Variants in CABLES1 observed in about 807,000 individuals in gnomAD.
CABLES1 encodes CDK5 and ABL1 enzyme substrate 1.
CABLES1 carries 36 observed loss-of-function variants against 57.8 expected under a neutral mutation model. The ratio of observed to expected loss-of-function variants is 0.62; its 90% CI spans 0.48 to 0.82. The LOEUF (loss-of-function observed/expected upper bound fraction) is 0.82, where lower values mean the gene tolerates loss of function less well. Among genes scored for constraint, CABLES1 ranks in the 40% least tolerant of loss-of-function variants. CABLES1 has a pLI of 0.00. For synonymous variants in CABLES1, 374 were observed against 363.0 expected (o/e 1.03, Z -0.35); for missense variants, 767 against 836.6 (o/e 0.92, Z 1.03).
intron 4 of CABLES1, among the ~76,000 whole-genome samples, chr18:23,233,886 A>G (rs1320959470): frequency 2.0e-5 from 3 of 152,162 alleles, no homozygotes; most frequent in Non-Finnish European, 4.4e-5. Flanking sequence ...CTCCTAAGAA[A>G]GGGGAGCAGC....
intron 3 of CABLES1, among the ~76,000 whole-genome samples, chr18:23,200,369 C>T: frequency 6.6e-6 from 1 of 152,074 alleles, no homozygotes; most frequent in Non-Finnish European, 1.5e-5. Flanking sequence ...ACACCATTCT[C>T]CTGCCTCAGC....
intron 7 of CABLES1, among the ~76,000 whole-genome samples, chr18:23,240,580 A>C (rs1349216359): frequency 6.6e-6 from 1 of 152,238 alleles, no homozygotes; most frequent in Non-Finnish European, 1.5e-5. Flanking sequence ...CAGAGGGCAG[A>C]TTCCCTCCTG....
intron 3 of CABLES1, among the ~76,000 whole-genome samples, chr18:23,201,615 C>T (rs1190835039): frequency 1.3e-5 from 2 of 152,162 alleles, no homozygotes; most frequent in African/African-American, 4.8e-5. Flanking sequence ...TAATGACTCT[C>T]CAGATACAAG....
At chr18:23,159,494 C>T (rs760959008) in intron 1 of CABLES1, among the ~76,000 whole-genome samples, 2 of 152,204 alleles carry the variant, frequency 1.3e-5, no homozygotes, top group Non-Finnish European at 2.9e-5. Flanking sequence ...TTCCTATAAA[C>T]AAGTGTTTTG....
At chr18:23,252,569 C>T (rs942746146) in intron 7 of CABLES1, among the ~76,000 whole-genome samples, 3 of 152,092 alleles carry the variant, frequency 2.0e-5, no homozygotes, top group African/African-American at 7.2e-5. Context: ...CTCCCAAAGC[C>T]GTCAGACTAG....
In CABLES1 at chr18:23,181,447, G is replaced by GATC. The variant is rs1278970203; in HGVS notation, c.846-7389_846-7387dup. ...GGAGGTAGAGGTTGTGGTAAGCCAA[G>GATC]ATCACACCATTGCACTCCAGCCTGG... On this transcript the variant is annotated intron_variant, in intron 1 of 9. Coordinates refer to ENST00000256925, the MANE Select transcript of CABLES1 (RefSeq NM_001100619.3). 2.6e-5 allele frequency among the ~76,000 whole-genome samples: 3 copies of GATC among 115,924 alleles called. No homozygotes were observed. The Admixed American group carries it at 3.7e-4, about 14-fold the overall frequency. 76.1% of individuals were successfully genotyped at this position (115,924 alleles called of 152,430 possible).
intron 1 of CABLES1, among the ~76,000 whole-genome samples, chr18:23,186,379 C>T (rs1193948599): frequency 7.2e-5 from 11 of 151,862 alleles, no homozygotes; most frequent in Admixed American, 6.6e-4. Flanking sequence ...CATAGATGAA[C>T]AAACTGAGGG....
At chr18:23,167,229 T>C (rs550024081) in intron 1 of CABLES1, among the ~76,000 whole-genome samples, 1 of 152,154 alleles carries the variant, frequency 6.6e-6, no homozygotes, top group Non-Finnish European at 1.5e-5. Flanking sequence ...AAAAAAAAAA[T>C]GAAAACTTTC....
At chr18:23,211,675 G>T (rs545933230) in intron 3 of CABLES1, among the ~76,000 whole-genome samples, 2 of 152,372 alleles carry the variant, frequency 1.3e-5, no homozygotes, top group East Asian at 3.9e-4. Context: ...ATTCGTAGTG[G>T]TAAAGAGCTC....
At chr18:23,147,896 A>G (rs2046902534) in intron 1 of CABLES1, among the ~76,000 whole-genome samples, 1 of 151,356 alleles carries the variant, frequency 6.6e-6, no homozygotes, top group African/African-American at 2.4e-5. Context: ...CTCCAGAGAC[A>G]ATTTGAGAAG....
chr18:23,211,273 C>T (rs1004598524), intron 3 of CABLES1, among the ~76,000 whole-genome samples: 3 of 152,190 alleles, frequency 2.0e-5, no homozygotes, highest in Admixed American at 6.5e-5. Context: ...AATGCAGCAT[C>T]GCTAAGCCAG....
Position 23,136,621 on chromosome 18 carries a change from A to ACC in CABLES1, c.845+14_845+15insCC. ...GCAGAGGTCCCGGTGAGTATCCGGG[A>ACC]TGCGACGCGCACCCAACCCTGCGTC... is the stretch of plus-strand genomic sequence containing the variant. On this transcript the variant is annotated intron_variant, in intron 1 of 9. Coordinates refer to ENST00000256925, the MANE Select transcript of CABLES1 (RefSeq NM_001100619.3). The ACC allele has an allele frequency of 7.3e-7, 1 of 1,370,076 alleles. No homozygotes were observed. The highest frequency in any genetic ancestry group is 9.5e-7 in the Non-Finnish European group (1 of 1,055,126). 84.9% of individuals were successfully genotyped at this position (1,370,076 alleles called of 1,614,324 possible). A position where few individuals can be genotyped will look rare whatever the true frequency, so the allele number is the denominator to read the frequency against.
At chr18:23,216,902 C>T (rs543512784) in intron 4 of CABLES1, among the ~76,000 whole-genome samples, 1 of 152,200 alleles carries the variant, frequency 6.6e-6, no homozygotes, top group Admixed American at 6.5e-5. Flanking sequence ...CAGAAAGGGC[C>T]ACTGCATAGG....
intron 4 of CABLES1, among the ~76,000 whole-genome samples, chr18:23,217,323 T>C (rs2047449576): frequency 6.6e-6 from 1 of 152,170 alleles, no homozygotes; most frequent in Admixed American, 6.5e-5. Flanking sequence ...ACTCAAGTGA[T>C]CCTCCTGCCT....
In CABLES1 at chr18:23,136,354, G is replaced by C. The variant is rs1461514017; in HGVS notation, c.592G>C (p.Asp198His). Residue 198 changes from aspartate (D) to histidine (H), a missense_variant, in exon 1 of 10, where the codon GAC becomes CAC. Transcript: ENST00000256925. ...LAACAQLQLL[D>H]GSGAAGQEEL... ...CGCCTGTGCCCAACTGCAGCTGCTCGACGGGTCCGGGGCCGCCGGGCAGGA... is the reference window on the plus strand; with the variant it reads ...CGCCTGTGCCCAACTGCAGCTGCTCCACGGGTCCGGGGCCGCCGGGCAGGA... The C allele has an allele frequency of 1.3e-6, 2 of 1,483,814 alleles. No individual in the cohort carries two copies. The highest frequency in any genetic ancestry group is 1.8e-6 in the Non-Finnish European group (2 of 1,118,186). 91.9% of individuals were successfully genotyped at this position (1,483,814 alleles called of 1,614,324 possible).
chr18:23,200,267 A>AT (rs139660615), intron 3 of CABLES1, among the ~76,000 whole-genome samples: 2,456 of 147,622 alleles, frequency 0.017, 59 homozygotes, highest in African/African-American at 0.055. Context: ...GAGAGGGTAG[A>AT]TTTTTTTTTT....
Position 23,180,005 on chromosome 18 carries a change from G to A in CABLES1, c.846-8833G>A, listed in dbSNP as rs1163866536. On this transcript the variant is annotated intron_variant, in intron 1 of 9. Coordinates refer to ENST00000256925, the MANE Select transcript of CABLES1 (RefSeq NM_001100619.3). ...GCAATCTTGGCTCACTGCAAGCTCC[G>A]CCTCCCGGGTTCAGGCCATTCTCCT... Among the ~76,000 whole-genome samples, 5 of 152,194 alleles carry A rather than the reference G, an allele frequency of 3.3e-5. No individual in the cohort carries two copies. In the South Asian group the frequency reaches 8.3e-4, roughly 25 times the overall value.
At chr18:23,151,908 C>T (rs926127770) in intron 1 of CABLES1, among the ~76,000 whole-genome samples, 2 of 152,068 alleles carry the variant, frequency 1.3e-5, no homozygotes, top group African/African-American at 2.4e-5. Context: ...GCCACTTGCA[C>T]CACAGTGGTA....
At chr18:23,148,145 A>G (rs74691581) in intron 1 of CABLES1, among the ~76,000 whole-genome samples, 4 of 151,896 alleles carry the variant, frequency 2.6e-5, no homozygotes, top group African/African-American at 4.8e-5. Context: ...GCCCGCCACC[A>G]TGCCCGGCTA....
Sources: gnomAD v4.1 joint callset for allele counts (sites outside exome capture counted in the v4.1 genomes callset) on GRCh38, gnomAD v4.1.1 for gene constraint, MANE v1.5 for transcripts, NCBI Gene and HGNC (gene_info 2026-07-23, HGNC 2026-07-21) for gene names.